The following SMARCA4 variants were observed in gnomAD, a reference collection of about 807,000 sequenced individuals.
SMARCA4 encodes the protein SWI/SNF related BAF chromatin remodeling complex subunit ATPase 4.
Under a neutral mutation model 193.9 loss-of-function variants are expected in SMARCA4, and 31 were observed. The observed-to-expected ratio is 0.16, with a 90% CI of 0.12 to 0.22. The LOEUF is 0.22. SMARCA4 is among the 10% of genes least tolerant of loss of function. The pLI is 1.00. For missense variants in SMARCA4, 1,148 were observed against 2,296.0 expected (o/e 0.50, Z 10.22); for synonymous variants, 942 against 933.1 (o/e 1.01, Z -0.17).
intron 1 of SMARCA4, among the ~76,000 whole-genome samples, chr19:10,975,512 T>C (rs1442414423): frequency 6.6e-6 from 1 of 151,836 alleles, no homozygotes; most frequent in African/African-American, 2.4e-5. Flanking sequence ...GGTTTCACCA[T>C]GTTGGCCAGG....
At chr19:11,021,550 G>A (rs1321610731) in intron 18 of SMARCA4, 175 bp from the exon 19 acceptor site, 2 of 781,260 alleles carry the variant, frequency 2.6e-6, no homozygotes, top group African/African-American at 3.4e-5. Flanking sequence ...GCTACGTTGT[G>A]TGGCTCCAAC....
intron 30 of SMARCA4, among the ~76,000 whole-genome samples, chr19:11,044,523 G>A (rs1292848960): frequency 1.3e-5 from 2 of 152,148 alleles, no homozygotes; most frequent in Non-Finnish European, 2.9e-5. Flanking sequence ...ATCAATGTGG[G>A]GAAAGGTGCT....
chr19:10,974,006 C>T (rs1568401182), intron 1 of SMARCA4, among the ~76,000 whole-genome samples: 1 of 152,226 alleles, frequency 6.6e-6, no homozygotes, highest in Admixed American at 6.5e-5. Flanking sequence ...CTGACTCCCA[C>T]GTTGGTCTGC....
At chr19:10,969,161 C>A (rs997518957) in intron 1 of SMARCA4, among the ~76,000 whole-genome samples, 1 of 152,248 alleles carries the variant, frequency 6.6e-6, no homozygotes, top group Non-Finnish European at 1.5e-5. Flanking sequence ...CCACCCTCTA[C>A]CTCAAGAACC....
At chr19:10,973,879 T>C (rs1024327172) in intron 1 of SMARCA4, among the ~76,000 whole-genome samples, 3 of 152,088 alleles carry the variant, frequency 2.0e-5, no homozygotes, top group African/African-American at 7.2e-5. Context: ...CTGGAGGTTT[T>C]CTTATAGACC....
chr19:11,022,804 G>A lies in SMARCA4; in HGVS notation c.2860-714G>A, dbSNP rs550861575. Among the ~76,000 whole-genome samples the A allele has an allele frequency of 2.0e-3, 300 of 152,192 alleles. 2 individuals are homozygous for A. Among genetic ancestry groups the A allele is most frequent in the Non-Finnish European group, 3.1e-3 (210 of 67,996 alleles). ...AAACCGAGGCATTCCCCAAAGCCTCGTGATAAAGGAGTCCCCAATTTTTAG... is the reference window on the plus strand; with the variant it reads ...AAACCGAGGCATTCCCCAAAGCCTCATGATAAAGGAGTCCCCAATTTTTAG... On this transcript the variant is annotated intron_variant, in intron 19 of 34. Coordinates refer to ENST00000344626, the MANE Select transcript of SMARCA4 (RefSeq NM_003072.5).
chr19:10,977,316 TTTTTTGTTTTG>T (rs2085219183), intron 1 of SMARCA4, among the ~76,000 whole-genome samples: 1 of 151,968 alleles, frequency 6.6e-6, no homozygotes, highest in Non-Finnish European at 1.5e-5. Flanking sequence ...ACTCGAGTTT[TTTTTTGTTTTG>T]TTTTTGTTTT....
intron 25 of SMARCA4, chr19:11,032,943 C>T (rs1001888023): frequency 1.5e-5 from 6 of 401,672 alleles, no homozygotes; most frequent in African/African-American, 4.1e-5. Flanking sequence ...AAATGGTGCT[C>T]GACTGTGTAG....
rs947610630 is a variant in SMARCA4, at chr19:10,985,624, G to C, written c.355+219G>C. Among the ~76,000 whole-genome samples the C allele has an allele frequency of 1.3e-5, 2 of 152,212 alleles. No individual in the cohort carries two copies. The highest frequency in any genetic ancestry group is 2.9e-5 in the Non-Finnish European group (2 of 68,028). On this transcript the variant is annotated intron_variant, in intron 3 of 34. Coordinates refer to ENST00000344626, the MANE Select transcript of SMARCA4 (RefSeq NM_003072.5). The surrounding 1 kb of genome is among the most constrained non-coding windows in gnomAD (Gnocchi z 4.5). Reference sequence around the variant, plus strand: ...GCCCTGGAAGGGGAAATGCTGGTTGGGGGGCAGACCATGTTCAGCATGGGT... The same window carrying C: ...GCCCTGGAAGGGGAAATGCTGGTTGCGGGGCAGACCATGTTCAGCATGGGT...
rs748005297 is a variant in SMARCA4 at position 11,041,595 on chromosome 19, G to C, written c.4424+35G>C. 3.8e-6 allele frequency: 6 copies of C among 1,598,368 alleles called. No individual in the cohort carries two copies. The highest frequency in any genetic ancestry group is 5.1e-6 in the Non-Finnish European group (6 of 1,170,884). On this transcript the variant is annotated intron_variant, in intron 30 of 34. Coordinates refer to ENST00000344626, the MANE Select transcript of SMARCA4 (RefSeq NM_003072.5). The surrounding 1 kb of genome is among the most constrained non-coding windows in gnomAD (Gnocchi z 5.6). ...GAGGCGGGGAGGGCGGGGGCTGTAG[G>C]GGTCCCCGTGGGAGCAGGCCTGGCA...
chr19:10,982,891 G>C (rs1317532233), intron 1 of SMARCA4, among the ~76,000 whole-genome samples: 1 of 152,190 alleles, frequency 6.6e-6, no homozygotes, highest in East Asian at 1.9e-4. Context: ...ATATGCCGGA[G>C]AGTTCAGGGG....
intron 29 of SMARCA4, among the ~76,000 whole-genome samples, chr19:11,037,697 G>A (rs1185914759): frequency 6.6e-6 from 1 of 151,784 alleles, no homozygotes; most frequent in African/African-American, 2.4e-5. Context: ...AGAAACCATC[G>A]CCTATCCAAG....
rs1319533127 is a variant in SMARCA4, at chr19:11,019,933, C to T, written c.2616+232C>T. ...CAGGCCCAGAAGCTGGGGCCATCTA[C>T]ACAGCATGCGCTCTGCCTCCTCTCG... On this transcript the variant is annotated intron_variant, in intron 18 of 34. Coordinates refer to ENST00000344626, the MANE Select transcript of SMARCA4 (RefSeq NM_003072.5). The surrounding 1 kb of genome is among the most constrained non-coding windows in gnomAD (Gnocchi z 6.1). Among the ~76,000 whole-genome samples, 1 of 152,244 alleles carries T rather than the reference C, an allele frequency of 6.6e-6. No homozygotes were observed. The highest frequency in any genetic ancestry group is 6.5e-5 in the Admixed American group (1 of 15,288).
intron 1 of SMARCA4, among the ~76,000 whole-genome samples, chr19:10,967,537 C>T (rs1337796903): frequency 2.0e-5 from 3 of 151,372 alleles, no homozygotes; most frequent in African/African-American, 7.3e-5. Context: ...GTCTTGATCT[C>T]CTGACCTCGT....
In SMARCA4 at chr19:10,991,214, A is replaced by C. The variant is rs2145879570; in HGVS notation, c.1310A>C (p.Lys437Thr). The change falls in exon 8 of 35, where the codon AAG becomes ACG. Residue 437 changes from lysine to threonine, a missense_variant. Transcript: ENST00000344626. Reference sequence around the variant, plus strand: ...GCGCTGGAGACAGCCCTCAATGCTAAGGCCTACAAGCGCAGCAAGCGCCAG... The same window carrying C: ...GCGCTGGAGACAGCCCTCAATGCTACGGCCTACAAGCGCAGCAAGCGCCAG... ...DTALETALNA[K>T]AYKRSKRQSL... 6.2e-7 allele frequency: 1 copy of C among 1,613,976 alleles called. No homozygotes were observed. The highest frequency in any genetic ancestry group is 2.2e-5 in the East Asian group (1 of 44,870).
Position 11,034,781 on chromosome 19 carries a change from A to T in SMARCA4, c.3952-133A>T. 1.4e-6 allele frequency: 1 copy of T among 710,982 alleles called. No homozygotes were observed. Among genetic ancestry groups the T allele is most frequent in the Non-Finnish European group, 2.5e-6 (1 of 397,830 alleles). The allele number at this position is 710,982 out of a possible 1,614,324, so 44.0% of individuals were successfully genotyped here. Reference sequence around the variant, plus strand: ...GTCAGCCACTGAAAAATCGAGAGCTACTGTTTAACTCTCGCAGCAGCGTGG... The same window carrying T: ...GTCAGCCACTGAAAAATCGAGAGCTTCTGTTTAACTCTCGCAGCAGCGTGG... On this transcript the variant is annotated intron_variant, in intron 28 of 34. Coordinates refer to ENST00000344626, the MANE Select transcript of SMARCA4 (RefSeq NM_003072.5). The surrounding 1 kb of genome is among the most constrained non-coding windows in gnomAD (Gnocchi z 7.0).
At chr19:11,009,572 G>A (rs1159442993) in intron 14 of SMARCA4, among the ~76,000 whole-genome samples, 12 of 152,100 alleles carry the variant, frequency 7.9e-5, no homozygotes, top group South Asian at 2.1e-4. Flanking sequence ...AGGCTGGAGT[G>A]CAGTGGCTCG....
chr19:11,014,549 G>T (rs913999483), intron 16 of SMARCA4, among the ~76,000 whole-genome samples: 1 of 152,140 alleles, frequency 6.6e-6, no homozygotes, highest in African/African-American at 2.4e-5. Context: ...TCCCCTGTCT[G>T]TGTCTGGAGG....
At chr19:10,979,302 C>G (rs998492961) in intron 1 of SMARCA4, among the ~76,000 whole-genome samples, 3 of 152,134 alleles carry the variant, frequency 2.0e-5, no homozygotes, top group Admixed American at 1.3e-4. Context: ...CTCATAGCAG[C>G]TTGATTTGTG....
Sources: gnomAD v4.1 joint callset for allele counts (sites outside exome capture counted in the v4.1 genomes callset) on GRCh38, gnomAD v4.1.1 for gene constraint, Gnocchi (gnomAD v3.1) non-coding constraint, MANE v1.5 for transcripts, NCBI Gene and HGNC (gene_info 2026-07-23, HGNC 2026-07-21) for gene names.